Variants in FANCA observed in about 807,000 individuals in gnomAD.
FANCA encodes the protein FA complementation group A, also known as Fanconi anemia group A protein.
A neutral mutation model predicts 194.3 loss-of-function variants in FANCA; 236 were observed. That is an observed-to-expected ratio of 1.21 (90% confidence interval 1.09 to 1.35). The LOEUF (loss-of-function observed/expected upper bound fraction) is 1.35. Among genes scored for constraint, FANCA ranks in the 40% most tolerant of loss-of-function variants. FANCA has a pLI of 0.00. For missense variants in FANCA, 2,628 were observed against 1,813.9 expected (o/e 1.45, Z -8.15); for synonymous variants, 1,014 against 715.8 (o/e 1.42, Z -6.65).
At chr16:89,777,121 G>T (rs1160375355) in intron 20 of FANCA, among the ~76,000 whole-genome samples, 1 of 152,002 alleles carries the variant, frequency 6.6e-6, no homozygotes, top group Admixed American at 6.6e-5. Flanking sequence ...GAGGGGGAAG[G>T]ATTGTTGAAA....
At chr16:89,749,189 C>T (rs1338759038) in intron 32 of FANCA, among the ~76,000 whole-genome samples, 1 of 152,068 alleles carries the variant, frequency 6.6e-6, no homozygotes, top group East Asian at 1.9e-4. Context: ...CCTTCTGCGA[C>T]GTCCCTCCAC....
chr16:89,775,267 G>A (rs974301641), intron 21 of FANCA, among the ~76,000 whole-genome samples: 3 of 152,148 alleles, frequency 2.0e-5, no homozygotes, highest in African/African-American at 7.2e-5. Flanking sequence ...GATTCCCAAT[G>A]AGGGCGTAGG....
At chr16:89,816,070 A>G (rs1402692815) in intron 1 of FANCA, 84 bp from the exon 2 acceptor site, 2 of 1,022,816 alleles carry the variant, frequency 2.0e-6, no homozygotes, top group East Asian at 4.8e-5. Flanking sequence ...GACGCCGCGG[A>G]GAAACCCACC....
At chr16:89,785,094 C>T (rs763344742) in intron 14 of FANCA, 130 bp from the exon 15 acceptor site, 7 of 725,894 alleles carry the variant, frequency 9.6e-6, no homozygotes, top group Non-Finnish European at 1.7e-5. Flanking sequence ...TAGGCAGTGT[C>T]CTGTGTGGAG....
chr16:89,755,697 T>C (rs1174153323), intron 30 of FANCA, among the ~76,000 whole-genome samples: 5 of 152,186 alleles, frequency 3.3e-5, no homozygotes, highest in Admixed American at 3.3e-4. Context: ...ATCTAAAATA[T>C]ATAAAGAACT....
intron 31 of FANCA, 33 bp from the exon 32 acceptor site, chr16:89,749,935 C>T: frequency 6.2e-7 from 1 of 1,612,402 alleles, no homozygotes; most frequent in Non-Finnish European, 8.5e-7. Flanking sequence ...CACAGGAAGG[C>T]CTCGGGGCTC....
rs1216426444 is a variant in FANCA at position 89,764,940 on chromosome 16, G to C, written c.2728C>G (p.Leu910Val). 2 of 1,614,248 alleles carry C rather than the reference G, an allele frequency of 1.2e-6. No individual in the cohort carries two copies. The highest frequency in any genetic ancestry group is 1.7e-6 in the Non-Finnish European group (2 of 1,180,048). Residue 910 changes from leucine (L) to valine (V), a missense_variant, in exon 28 of 43, where the codon CTC becomes GTC. By Grantham distance (32) the Leu-to-Val change is conservative. Coordinates refer to ENST00000389301, the MANE Select transcript of FANCA (RefSeq NM_000135.4). ...SADWQRAALS[L>V]WTHRTFREVL... Reference sequence around the variant, plus strand: ...TCTCGGAAGGTTCTGTGTGTCCAGAGAGAGAGGGCAGCTCTCTGCCAGTCT... The same window carrying C: ...TCTCGGAAGGTTCTGTGTGTCCAGACAGAGAGGGCAGCTCTCTGCCAGTCT...
chr16:89,745,900 C>G (rs2038373032), intron 35 of FANCA, among the ~76,000 whole-genome samples: 1 of 152,218 alleles, frequency 6.6e-6, no homozygotes, highest in African/African-American at 2.4e-5. Flanking sequence ...CCGAAGAGTT[C>G]ATTTCTCACG....
At chr16:89,767,548 G>T (rs1598106609) in intron 26 of FANCA, among the ~76,000 whole-genome samples, 1 of 151,708 alleles carries the variant, frequency 6.6e-6, no homozygotes, top group Admixed American at 6.6e-5. Context: ...TGTTGTAGTT[G>T]TTGTTAGTGC....
chr16:89,758,200 C>A (rs1409071699), intron 30 of FANCA, among the ~76,000 whole-genome samples: 1 of 152,186 alleles, frequency 6.6e-6, no homozygotes. Flanking sequence ...AAAGAAACAA[C>A]CGATGCAGGA....
At chr16:89,799,274 G>T in intron 9 of FANCA, 42 bp from the exon 10 acceptor site, 1 of 1,610,604 alleles carries the variant, frequency 6.2e-7, no homozygotes. Context: ...GTCAGCACAC[G>T]GCGGCAGCCC....
chr16:89,751,588 G>A (rs2038592586), intron 31 of FANCA, among the ~76,000 whole-genome samples: 1 of 152,116 alleles, frequency 6.6e-6, no homozygotes, highest in South Asian at 2.1e-4. Context: ...CCCCAGAGCT[G>A]GCGGAGGGAG....
chr16:89,792,092 T>A, intron 12 of FANCA, 24 bp from the exon 13 acceptor site: 1 of 1,614,092 alleles, frequency 6.2e-7, no homozygotes, highest in Non-Finnish European at 8.5e-7. Flanking sequence ...ATCCGCTCCC[T>A]TCAATATCCA....
chr16:89,764,487 G>C (rs979046529), intron 28 of FANCA, among the ~76,000 whole-genome samples: 1 of 152,062 alleles, frequency 6.6e-6, no homozygotes, highest in Non-Finnish European at 1.5e-5. Context: ...TGCATTCTTT[G>C]TAGAGATGGG....
chr16:89,778,161 CAAAAAAAA>C (rs35361961), intron 20 of FANCA, among the ~76,000 whole-genome samples: 1 of 48,004 alleles, frequency 2.1e-5, no homozygotes, highest in East Asian at 6.4e-4. Context: ...GACTTCATCT[CAAAAAAAA>C]AAAAAAAAAA....
chr16:89,770,523 C>T (rs1225176720), intron 24 of FANCA, 41 bp downstream of exon 24: 2 of 1,557,988 alleles, frequency 1.3e-6, no homozygotes, highest in East Asian at 2.4e-5. Flanking sequence ...AGGTGGCACC[C>T]AGAGGAGCCC....
chr16:89,775,756 T>C lies in FANCA; in HGVS notation c.1886A>G (p.Glu629Gly). ...CAGGAACTTACCTTCTGGCTTCTCT[T>C]CAGCAGCAGAGCAGGCCTGGCAGTA... ...STYCQACSAA[E>G]EKPEDAALGV... Residue 629 changes from glutamate (E) to glycine (G), a missense_variant, in exon 21 of 43, where the codon GAA becomes GGA. Glu to Gly is a moderately conservative substitution (Grantham distance 98). Coordinates refer to ENST00000389301, the MANE Select transcript of FANCA (RefSeq NM_000135.4). 6.2e-7 allele frequency: 1 copy of C among 1,612,380 alleles called. No homozygotes were observed.
chr16:89,752,813 C>T (rs1360081322), intron 30 of FANCA, among the ~76,000 whole-genome samples: 1 of 152,204 alleles, frequency 6.6e-6, no homozygotes, highest in Non-Finnish European at 1.5e-5. Flanking sequence ...CGTCACCAAG[C>T]GGATCGTGGT....
chr16:89,789,424 G>T (rs2039997772), intron 14 of FANCA, among the ~76,000 whole-genome samples: 1 of 146,776 alleles, frequency 6.8e-6, no homozygotes, highest in African/African-American at 2.5e-5. Context: ...GTGATGGCAG[G>T]AAAACTCAAT....
Sources: gnomAD v4.1 joint callset for allele counts (sites outside exome capture counted in the v4.1 genomes callset) on GRCh38, gnomAD v4.1.1 for gene constraint, MANE v1.5 for transcripts, NCBI Gene and HGNC (gene_info 2026-07-23, HGNC 2026-07-21) for gene names.